PUDP: variants seen among roughly 807,000 people sequenced by gnomAD.
PUDP encodes pseudouridine-5'-phosphatase.
Under a neutral mutation model 9.4 loss-of-function variants are expected in PUDP, and 8 were observed. The ratio of observed to expected loss-of-function variants is 0.85; its 90% confidence interval spans 0.50 to 1.53. The LOEUF (loss-of-function observed/expected upper bound fraction) is 1.53. Ranked by LOEUF, PUDP falls within the 40% of genes most tolerant of loss-of-function variation. PUDP has a pLI of 0.00. For synonymous variants in PUDP, 99 were observed against 80.7 expected, an observed-to-expected ratio of 1.23 and a Z score of -1.22; for missense variants, 188 against 189.7, an observed-to-expected ratio of 0.99 and a Z score of 0.05.
intron 1 of PUDP, chrX:7,116,873 A>G: frequency 1.8e-6 from 2 of 1,125,222 alleles, no homozygotes; most frequent in Non-Finnish European, 2.4e-6. Context: ...CTGAGTTCAC[A>G]TGAGAGCTGG....
At chrX:6,708,556 C>T (rs1924495987) in intron 1 of PUDP, among the ~76,000 whole-genome samples, 1 of 112,465 alleles carries the variant, frequency 8.9e-6, no homozygotes, top group Non-Finnish European at 1.9e-5. Flanking sequence ...ATACCGCTCA[C>T]ATCAACTAGA....
chrX:6,940,116 G>T (rs1449342297), intron 3 of PUDP, among the ~76,000 whole-genome samples: 1 of 112,941 alleles, frequency 8.9e-6, no homozygotes, highest in Admixed American at 9.3e-5. Context: ...CCTCTCCTCT[G>T]TAAAATAAGA....
chrX:6,742,343 A>T (rs772102521), intron 3 of PUDP, among the ~76,000 whole-genome samples: 2 of 112,623 alleles, frequency 1.8e-5, no homozygotes, highest in Non-Finnish European at 3.7e-5. Flanking sequence ...ATACAGTTTT[A>T]TTGGAACAGT....
chrX:7,084,888 A>C, intron 2 of PUDP: 1 of 112,034 alleles, frequency 8.9e-6, no homozygotes, highest in East Asian at 2.8e-4. Flanking sequence ...TAAAAAATAA[A>C]TAAGTTAAAA....
At chrX:6,972,796 T>C (rs1928896882) in intron 3 of PUDP, among the ~76,000 whole-genome samples, 1 of 112,178 alleles carries the variant, frequency 8.9e-6, no homozygotes, top group East Asian at 2.8e-4. Context: ...CAGCTCCTCT[T>C]TGTACCTCTG....
At chrX:6,812,396 G>T (rs960591247) in intron 3 of PUDP, among the ~76,000 whole-genome samples, 1 of 111,834 alleles carries the variant, frequency 8.9e-6, no homozygotes, top group African/African-American at 3.2e-5. Context: ...AAAACAAGTG[G>T]AATTGCACTT....
chrX:6,775,356 T>C (rs922668432), intron 3 of PUDP, among the ~76,000 whole-genome samples: 1 of 111,641 alleles, frequency 9.0e-6, no homozygotes, highest in Non-Finnish European at 1.9e-5. Context: ...TTGATATACA[T>C]TTTGTTTGTT....
At chrX:6,899,611 A>G (rs1432940918) in intron 3 of PUDP, among the ~76,000 whole-genome samples, 1 of 111,208 alleles carries the variant, frequency 9.0e-6, no homozygotes, top group African/African-American at 3.3e-5. Flanking sequence ...AAGGATTTAA[A>G]CAAAGACAGT....
chrX:6,875,621 G>C (rs971854247), intron 3 of PUDP, among the ~76,000 whole-genome samples: 8 of 111,445 alleles, frequency 7.2e-5, no homozygotes, highest in Admixed American at 5.7e-4. Flanking sequence ...ACTTCATTCA[G>C]AGCCCTATTT....
At chrX:6,940,211 C>T (rs1047011083) in intron 3 of PUDP, among the ~76,000 whole-genome samples, 2 of 113,659 alleles carry the variant, frequency 1.8e-5, no homozygotes, top group Admixed American at 1.8e-4. Flanking sequence ...CCAAGCCTGG[C>T]CCTCTGCCTG....
chrX:6,922,602 A>G (rs770018918), intron 3 of PUDP, among the ~76,000 whole-genome samples: 1 of 111,201 alleles, frequency 9.0e-6, no homozygotes, highest in South Asian at 3.8e-4. Flanking sequence ...ACTCTTTCTT[A>G]CTCCTTAATT....
chrX:7,103,257 G>T (rs1175765733), intron 2 of PUDP, among the ~76,000 whole-genome samples: 2 of 111,946 alleles, frequency 1.8e-5, no homozygotes, highest in Non-Finnish European at 3.8e-5. Context: ...ACACTCTCAC[G>T]TATTTGTCAA....
rs570736813 is a variant in PUDP, at chrX:7,063,844, T to G, written c.511-13372A>C. Among the ~76,000 whole-genome samples, 35 of 111,217 alleles carry G rather than the reference T, an allele frequency of 3.1e-4. 3 individuals are homozygous for G. In the South Asian group the frequency reaches 0.013, roughly 42 times the overall value. On this transcript the variant is annotated intron_variant, in intron 3 of 3. Coordinates refer to ENST00000381077, the MANE Select transcript of PUDP (RefSeq NM_012080.5). ...TTGTAGTTTTTGTAGAGATGGGGTT[T>G]TGCCCTTTGCCCGGGCTAGTCTTGA... is the stretch of plus-strand genomic sequence containing the variant.
At chrX:7,066,528 T>A (rs749748938) in intron 3 of PUDP, among the ~76,000 whole-genome samples, 2 of 110,851 alleles carry the variant, frequency 1.8e-5, no homozygotes, top group East Asian at 5.7e-4. Flanking sequence ...CATGTACAGT[T>A]CACACTAGGG....
intron 3 of PUDP, among the ~76,000 whole-genome samples, chrX:6,926,737 C>T: frequency 9.0e-6 from 1 of 111,432 alleles, no homozygotes; most frequent in East Asian, 2.8e-4. Context: ...CATTTCCATG[C>T]TTCCTATAGA....
chrX:6,914,897 T>C (rs1185075565), intron 3 of PUDP, among the ~76,000 whole-genome samples: 1 of 112,619 alleles, frequency 8.9e-6, no homozygotes, highest in Non-Finnish European at 1.9e-5. Flanking sequence ...GAATCTTTTT[T>C]TTTCTTGTTC....
intron 3 of PUDP, among the ~76,000 whole-genome samples, chrX:6,752,006 T>G (rs1467794309): frequency 9.0e-6 from 1 of 111,330 alleles, no homozygotes; most frequent in Non-Finnish European, 1.9e-5. Context: ...TCTCATCATT[T>G]CCTAAATTCC....
chrX:6,909,333 G>A (rs1164610809), intron 3 of PUDP, among the ~76,000 whole-genome samples: 2 of 111,663 alleles, frequency 1.8e-5, no homozygotes, highest in Non-Finnish European at 1.9e-5. Flanking sequence ...TGGTAGTATG[G>A]TAGTACTTTG....
At chrX:6,739,416 C>G (rs1924910325) in intron 3 of PUDP, among the ~76,000 whole-genome samples, 1 of 111,491 alleles carries the variant, frequency 9.0e-6, no homozygotes, top group Non-Finnish European at 1.9e-5. Context: ...CAGACTGGCT[C>G]AAATAGGTTA....
Sources: gnomAD v4.1 joint callset for allele counts (sites outside exome capture counted in the v4.1 genomes callset) on GRCh38, gnomAD v4.1.1 for gene constraint, MANE v1.5 for transcripts, NCBI Gene and HGNC (gene_info 2026-07-23, HGNC 2026-07-21) for gene names.